Variants in GRIN2B observed in about 807,000 individuals in gnomAD.
The protein encoded by GRIN2B is glutamate ionotropic receptor NMDA type subunit 2B, also known as glutamate receptor ionotropic, NMDA 2B.
A neutral mutation model predicts 114.5 loss-of-function variants in GRIN2B; 5 were observed. That is an observed-to-expected ratio of 0.04 (90% confidence interval 0.02 to 0.09). The LOEUF (loss-of-function observed/expected upper bound fraction) is 0.09, where lower values mean the gene tolerates loss of function less well. Among genes scored for constraint, GRIN2B ranks in the 10% least tolerant of loss-of-function variants. The pLI is 1.00. For missense variants in GRIN2B, 1,108 were observed against 1,943.5 expected, an observed-to-expected ratio of 0.57 and a Z score of 8.08; for synonymous variants, 787 against 745.1, an observed-to-expected ratio of 1.06 and a Z score of -0.92.
intron 4 of GRIN2B, among the ~76,000 whole-genome samples, chr12:13,677,251 G>A (rs1039989026): frequency 6.6e-6 from 1 of 152,154 alleles, no homozygotes; most frequent in Non-Finnish European, 1.5e-5. Flanking sequence ...ACTGCAGTGA[G>A]GATGCTAAAG....
At chr12:13,957,218 C>T (rs577435392) in intron 2 of GRIN2B, among the ~76,000 whole-genome samples, 1 of 152,098 alleles carries the variant, frequency 6.6e-6, no homozygotes, top group South Asian at 2.1e-4. Context: ...AACAAGTCTG[C>T]CATTGGGAGC....
At chr12:13,611,620 G>C in intron 9 of GRIN2B, 105 bp downstream of exon 9, 2 of 1,167,176 alleles carry the variant, frequency 1.7e-6, no homozygotes, top group Non-Finnish European at 2.6e-6. Flanking sequence ...TTCCTTTTCA[G>C]AAATGGATAT....
intron 5 of GRIN2B, among the ~76,000 whole-genome samples, chr12:13,670,658 C>G (rs1441224922): frequency 1.3e-5 from 2 of 152,166 alleles, no homozygotes; most frequent in African/African-American, 4.8e-5. Context: ...AGCTGTCCCC[C>G]ACTTAGGAGC....
intron 4 of GRIN2B, among the ~76,000 whole-genome samples, chr12:13,747,439 T>C (rs912214397): frequency 8.5e-5 from 13 of 152,222 alleles, no homozygotes; most frequent in Admixed American, 8.5e-4. Flanking sequence ...CAATAAGCAT[T>C]GAATGTATCT....
chr12:13,661,088 ACCCAGCCCCTTTC>A (rs754440454), intron 5 of GRIN2B, among the ~76,000 whole-genome samples: 10 of 152,106 alleles, frequency 6.6e-5, no homozygotes, highest in Non-Finnish European at 1.5e-4. Flanking sequence ...TGTTTCATTT[ACCCAGCCCCTTTC>A]CTTCATTCTC....
chr12:13,809,099 A>G (rs1202897799), intron 3 of GRIN2B, among the ~76,000 whole-genome samples: 2 of 152,158 alleles, frequency 1.3e-5, no homozygotes, highest in Non-Finnish European at 2.9e-5. Context: ...TAAGATGTTG[A>G]GCAGCATCCC....
chr12:13,965,823 G>A (rs1867782148), intron 2 of GRIN2B, among the ~76,000 whole-genome samples: 1 of 152,148 alleles, frequency 6.6e-6, no homozygotes, highest in South Asian at 2.1e-4. Flanking sequence ...CGCTCCTAAA[G>A]TCTTAAATCT....
At position 13,923,933 on chromosome 12, in the gene GRIN2B, A is replaced by G. The variant is rs369974303; in HGVS notation, c.-19+55995T>C. 1.1e-3 allele frequency among the ~76,000 whole-genome samples: 162 copies of G among 152,244 alleles called. 5 individuals carry two copies. In the South Asian group the frequency reaches 0.028, roughly 26 times the overall value. ...GCTTTTGGGCCAGAATAAGAAAGCT[A>G]CTCCAACAATAACTAACAAGGCCAC... On this transcript the variant is annotated intron_variant, in intron 2 of 13. Transcript: ENST00000609686.
chr12:13,800,809 G>A (rs532649208), intron 3 of GRIN2B, among the ~76,000 whole-genome samples: 1 of 152,238 alleles, frequency 6.6e-6, no homozygotes, highest in Non-Finnish European at 1.5e-5. Flanking sequence ...CCAAATACGT[G>A]TCAAAAATTC....
At chr12:13,734,005 T>C (rs775953264) in intron 4 of GRIN2B, among the ~76,000 whole-genome samples, 1 of 152,148 alleles carries the variant, frequency 6.6e-6, no homozygotes, top group Non-Finnish European at 1.5e-5. Flanking sequence ...CTTGCCACTA[T>C]ACCATACAGT....
rs572813317 is a variant in GRIN2B at position 13,620,748 on chromosome 12, G to A, written c.1126-4091C>T. Among the ~76,000 whole-genome samples the A allele has an allele frequency of 2.0e-5, 3 of 152,168 alleles. No homozygotes were observed. The South Asian group carries it at 6.2e-4, about 32-fold the overall frequency. On this transcript the variant is annotated intron_variant, in intron 5 of 13. Coordinates refer to ENST00000609686, the MANE Select transcript of GRIN2B (RefSeq NM_000834.5). The stretch of plus-strand genomic sequence containing the variant: ...ATGATCATAATTTCTTTAGGACAGG[G>A]GCTTTCTACATCCTACAAATTAAAG...
chr12:13,636,512 G>A (rs2193155), intron 5 of GRIN2B, among the ~76,000 whole-genome samples: 8,568 of 152,246 alleles, frequency 0.056, 312 homozygotes, highest in Non-Finnish European at 0.089. Flanking sequence ...TGATGGGGAC[G>A]TGACTGTGAT....
At chr12:13,937,593 T>G (rs1425349019) in intron 2 of GRIN2B, among the ~76,000 whole-genome samples, 1 of 151,890 alleles carries the variant, frequency 6.6e-6, no homozygotes, top group Non-Finnish European at 1.5e-5. Flanking sequence ...AAAAGCTAAG[T>G]GACAGAACAG....
At chr12:13,804,608 T>C (rs1445637692) in intron 3 of GRIN2B, among the ~76,000 whole-genome samples, 1 of 152,182 alleles carries the variant, frequency 6.6e-6, no homozygotes, top group Non-Finnish European at 1.5e-5. Context: ...AAATAACATT[T>C]TCTCCAGTGT....
intron 10 of GRIN2B, among the ~76,000 whole-genome samples, chr12:13,601,303 G>C (rs532693529): frequency 7.9e-5 from 12 of 152,062 alleles, no homozygotes; most frequent in Non-Finnish European, 1.8e-4. Flanking sequence ...TGCCTCTTTC[G>C]GCTTCTGGTG....
chr12:13,962,432 G>A (rs765472013), intron 2 of GRIN2B, among the ~76,000 whole-genome samples: 3 of 152,146 alleles, frequency 2.0e-5, no homozygotes, highest in Non-Finnish European at 4.4e-5. Context: ...TTAGAAAATT[G>A]CATTCGTTTT....
rs547475534 is a variant in GRIN2B, at chr12:13,622,654, C to A, written c.1126-5997G>T. 3.5e-4 allele frequency among the ~76,000 whole-genome samples: 53 copies of A among 151,904 alleles called. No homozygotes were observed. The South Asian group carries it at 0.011, about 31-fold the overall frequency. On this transcript the variant is annotated intron_variant, in intron 5 of 13. Transcript: ENST00000609686. Reference sequence around the variant, plus strand: ...CTCACACTTCTAGAGGCTGGGAAGTCCAATATAAAGGTGCTGGCATCTGGC... The same window carrying A: ...CTCACACTTCTAGAGGCTGGGAAGTACAATATAAAGGTGCTGGCATCTGGC...
chr12:13,687,871 T>C (rs558200534), intron 4 of GRIN2B, among the ~76,000 whole-genome samples: 2 of 152,340 alleles, frequency 1.3e-5, no homozygotes, highest in African/African-American at 4.8e-5. Context: ...TTTCAGAACT[T>C]TGTCTCCACA....
chr12:13,934,535 G>A (rs1432347444), intron 2 of GRIN2B, among the ~76,000 whole-genome samples: 2 of 152,176 alleles, frequency 1.3e-5, no homozygotes, highest in Non-Finnish European at 2.9e-5. Context: ...TAGAATCCAG[G>A]TCTGTGCCCG....
Sources: gnomAD v4.1 joint callset for allele counts (sites outside exome capture counted in the v4.1 genomes callset) on GRCh38, gnomAD v4.1.1 for gene constraint, MANE v1.5 for transcripts, NCBI Gene and HGNC (gene_info 2026-07-23, HGNC 2026-07-21) for gene names.